The following NTNG1 variants were observed in gnomAD, a reference collection of about 807,000 sequenced individuals.
The protein encoded by NTNG1 is netrin-G1.
In NTNG1, 16 loss-of-function variants were observed where a neutral mutation model predicts 54.0. That is an observed-to-expected ratio of 0.30 (90% CI 0.20 to 0.45). The LOEUF is 0.45. Ranked by LOEUF, NTNG1 falls within the 20% of genes least tolerant of loss-of-function variation. The pLI is 1.00. For synonymous variants in NTNG1, 255 were observed against 263.1 expected (o/e 0.97, Z 0.30); for missense variants, 530 against 678.7 (o/e 0.78, Z 2.43).
intron 2 of NTNG1, among the ~76,000 whole-genome samples, chr1:107,276,519 C>T (rs1425812205): frequency 6.6e-6 from 1 of 152,080 alleles, no homozygotes. Flanking sequence ...ACTGAATCTT[C>T]ACCTTCAGCC....
intron 5 of NTNG1, among the ~76,000 whole-genome samples, chr1:107,427,982 C>T (rs984074729): frequency 6.6e-6 from 1 of 152,084 alleles, no homozygotes; most frequent in African/African-American, 2.4e-5. Context: ...GGGTCTTAAA[C>T]TGTTGAACTT....
At chr1:107,153,484 C>T (rs938251657) in intron 2 of NTNG1, among the ~76,000 whole-genome samples, 6 of 151,998 alleles carry the variant, frequency 3.9e-5, no homozygotes, top group South Asian at 2.1e-4. Flanking sequence ...CTGATTTATC[C>T]CTTAATTATG....
At chr1:107,198,813 G>T (rs990894407) in intron 2 of NTNG1, among the ~76,000 whole-genome samples, 3 of 151,778 alleles carry the variant, frequency 2.0e-5, no homozygotes, top group Admixed American at 6.6e-5. Flanking sequence ...GATATCACAC[G>T]CAGGCTTTCC....
intron 2 of NTNG1, among the ~76,000 whole-genome samples, chr1:107,323,656 A>C (rs1210949477): frequency 6.6e-6 from 1 of 152,084 alleles, no homozygotes; most frequent in Non-Finnish European, 1.5e-5. Flanking sequence ...AGGTATTTGG[A>C]CCAAGCCCCA....
intron 2 of NTNG1, among the ~76,000 whole-genome samples, chr1:107,212,872 T>G (rs1470328234): frequency 1.3e-5 from 2 of 152,076 alleles, no homozygotes; most frequent in Non-Finnish European, 2.9e-5. Context: ...TTTGCATGTA[T>G]TAACTCACTT....
In NTNG1 at chr1:107,148,609, T is replaced by C; in HGVS notation, c.16T>C (p.Phe6Leu). MYLSR[F>L]LSIHALWVTV... ...GAATTTAGAGATGTATTTGTCAAGA[T>C]TCCTGTCGATTCATGCCCTTTGGGT... Residue 6 changes from phenylalanine to leucine, a missense_variant, in exon 2 of 8, where the codon TTC becomes CTC. Phe to Leu is a conservative substitution (Grantham distance 22). Coordinates refer to ENST00000370068, the MANE Select transcript of NTNG1 (RefSeq NM_001113226.3). The C allele has an allele frequency of 6.2e-7, 1 of 1,613,420 alleles. No homozygotes were observed. The highest frequency in any genetic ancestry group is 8.5e-7 in the Non-Finnish European group (1 of 1,179,448).
intron 2 of NTNG1, among the ~76,000 whole-genome samples, chr1:107,309,638 G>A (rs974803458): frequency 3.9e-5 from 6 of 152,024 alleles, no homozygotes; most frequent in Admixed American, 2.6e-4. Context: ...CTGCTTCATC[G>A]CTTGTTTGAG....
chr1:107,409,118 A>C (rs1673635542), intron 5 of NTNG1: 1 of 152,198 alleles, frequency 6.6e-6, no homozygotes, highest in Non-Finnish European at 1.5e-5. Context: ...TCAGTGTTAA[A>C]AACTTGCAAA....
chr1:107,480,530 A>T, intron 7 of NTNG1, 81 bp from the exon 8 acceptor site: 2 of 836,068 alleles, frequency 2.4e-6, no homozygotes, highest in Non-Finnish European at 3.7e-6. Context: ...GGCTGAAAAC[A>T]TGATGTACCA....
chr1:107,148,472 CA>C lies in NTNG1; in HGVS notation c.-121del. ...TCCCATCTTCATTTAAAAAAAAATA[CA>C]GAGACCTACCTACCCGTACGCATAC... On this transcript the variant is annotated 5_prime_UTR_variant, in exon 2 of 8. Transcript: ENST00000370068. 1 of 898,740 alleles carries C rather than the reference CA, an allele frequency of 1.1e-6. No homozygotes were observed. Among genetic ancestry groups the C allele is most frequent in the Non-Finnish European group, 1.7e-6 (1 of 584,326 alleles). The allele number at this position is 898,740 out of a possible 1,614,324, so 55.7% of individuals were successfully genotyped here. A position where few individuals can be genotyped will look rare whatever the true frequency, so the allele number is the denominator to read the frequency against.
chr1:107,334,855 C>T (rs893370372), intron 3 of NTNG1, among the ~76,000 whole-genome samples: 7 of 151,964 alleles, frequency 4.6e-5, no homozygotes, highest in Non-Finnish European at 7.4e-5. Flanking sequence ...CTAAGCATCA[C>T]GTAGAGGACC....
chr1:107,317,112 C>G (rs1050471149), intron 2 of NTNG1, among the ~76,000 whole-genome samples: 22 of 152,120 alleles, frequency 1.4e-4, no homozygotes, highest in African/African-American at 5.1e-4. Context: ...AAGAAAAAAA[C>G]TTTTCGAACA....
At chr1:107,173,261 G>A (rs1214296746) in intron 2 of NTNG1, among the ~76,000 whole-genome samples, 1 of 152,042 alleles carries the variant, frequency 6.6e-6, no homozygotes, top group African/African-American at 2.4e-5. Context: ...TTCATTTTAT[G>A]TTTTGTTCCT....
rs1334319665 is a variant in NTNG1, at chr1:107,148,476, G to C, written c.-118G>C. The C allele has an allele frequency of 1.1e-6, 1 of 928,684 alleles. No homozygotes were observed. Among genetic ancestry groups the C allele is most frequent in the African/African-American group, 1.7e-5 (1 of 60,284 alleles). The allele number at this position is 928,684 out of a possible 1,614,324, so 57.5% of individuals were successfully genotyped here. A position where few individuals can be genotyped will look rare whatever the true frequency, so the allele number is the denominator to read the frequency against. ...ATCTTCATTTAAAAAAAAATACAGAGACCTACCTACCCGTACGCATACATA... is the reference window on the plus strand; with the variant it reads ...ATCTTCATTTAAAAAAAAATACAGACACCTACCTACCCGTACGCATACATA... On this transcript the variant is annotated 5_prime_UTR_variant, in exon 2 of 8. Transcript: ENST00000370068.
chr1:107,143,525 A>C (rs971145486), intron 1 of NTNG1: 1 of 152,172 alleles, frequency 6.6e-6, no homozygotes, highest in Non-Finnish European at 1.5e-5. Flanking sequence ...CACTTGGAAA[A>C]AAGAAAATTG....
intron 7 of NTNG1, among the ~76,000 whole-genome samples, chr1:107,471,316 C>T (rs1037045002): frequency 4.6e-5 from 7 of 152,144 alleles, no homozygotes; most frequent in Admixed American, 1.3e-4. Context: ...GTCTCGCCAC[C>T]GAAGTACCAC....
At chr1:107,458,299 C>G (rs1323061161) in intron 7 of NTNG1, among the ~76,000 whole-genome samples, 1 of 152,104 alleles carries the variant, frequency 6.6e-6, no homozygotes, top group Non-Finnish European at 1.5e-5. Flanking sequence ...AAATTTAACT[C>G]CAGCCTACTC....
At chr1:107,231,317 T>C (rs960544997) in intron 2 of NTNG1, among the ~76,000 whole-genome samples, 1 of 152,186 alleles carries the variant, frequency 6.6e-6, no homozygotes, top group Non-Finnish European at 1.5e-5. Flanking sequence ...GTACTGGATG[T>C]AGCCTCTGCA....
intron 2 of NTNG1, among the ~76,000 whole-genome samples, chr1:107,208,525 G>A (rs1307552373): frequency 1.3e-5 from 2 of 151,694 alleles, no homozygotes; most frequent in African/African-American, 4.8e-5. Flanking sequence ...TATCAAATAT[G>A]TCCCCAAGCA....
Sources: allele counts gnomAD v4.1 joint callset (sites outside exome capture counted in the v4.1 genomes callset), GRCh38; gene constraint gnomAD v4.1.1; transcripts MANE v1.5; gene names NCBI Gene and HGNC (gene_info 2026-07-23, HGNC 2026-07-21).